The following COL25A1 variants were observed in gnomAD, a reference collection of about 807,000 sequenced individuals.
COL25A1 encodes collagen alpha-1(XXV) chain.
COL25A1 carries 103 observed loss-of-function variants against 128.4 expected under a neutral mutation model. That is an observed-to-expected ratio of 0.80 (90% CI 0.68 to 0.94). The LOEUF is 0.94. Ranked by LOEUF, COL25A1 falls within the 40% of genes least tolerant of loss-of-function variation. COL25A1 has a pLI of 0.00. For missense variants in COL25A1, 745 were observed against 840.0 expected (o/e 0.89, Z 1.40); for synonymous variants, 279 against 277.2 (o/e 1.01, Z -0.06).
At chr4:108,894,237 A>G (rs2125852908) in intron 16 of COL25A1, among the ~76,000 whole-genome samples, 1 of 152,340 alleles carries the variant, frequency 6.6e-6, no homozygotes, top group South Asian at 2.1e-4. Context: ...TTTTAATTTT[A>G]CAATATGATT....
At chr4:108,825,803 T>C (rs1463142516) in intron 33 of COL25A1, among the ~76,000 whole-genome samples, 3 of 152,212 alleles carry the variant, frequency 2.0e-5, no homozygotes, top group Admixed American at 1.3e-4. Flanking sequence ...GTACGAAGGA[T>C]GTGAAGGCTG....
intron 3 of COL25A1, among the ~76,000 whole-genome samples, chr4:109,073,297 C>T (rs749664348): frequency 3.9e-5 from 6 of 152,168 alleles, no homozygotes; most frequent in Non-Finnish European, 8.8e-5. Flanking sequence ...GGCTGCTAAT[C>T]TTCCTTTAAA....
At chr4:108,834,267 T>C in intron 31 of COL25A1, 1 of 1,309,978 alleles carries the variant, frequency 7.6e-7, no homozygotes, top group Non-Finnish European at 1.1e-6. Flanking sequence ...CATCATTTGA[T>C]GAGAGGACAT....
chr4:109,181,676 A>G (rs1418493665), intron 3 of COL25A1, among the ~76,000 whole-genome samples: 1 of 152,126 alleles, frequency 6.6e-6, no homozygotes, highest in Non-Finnish European at 1.5e-5. Flanking sequence ...TAATTAACAA[A>G]TGTATTACCT....
rs576637679 is a variant in COL25A1, at chr4:109,187,819, T to C, written c.367+112764A>G. ...CTCATACTATAGCAATGAAAGTACATCAACCTTAGAAAAATGGTTTAAGGG... is the reference window on the plus strand; with the variant it reads ...CTCATACTATAGCAATGAAAGTACACCAACCTTAGAAAAATGGTTTAAGGG... On this transcript the variant is annotated intron_variant, in intron 3 of 37. Coordinates refer to ENST00000399132, the MANE Select transcript of COL25A1 (RefSeq NM_198721.4). Among the ~76,000 whole-genome samples, 30 of 152,154 alleles carry C rather than the reference T, an allele frequency of 2.0e-4. No individual in the cohort carries two copies. In the South Asian group the frequency reaches 6.2e-3, roughly 32 times the overall value.
chr4:109,042,179 C>A (rs1484182133), intron 5 of COL25A1, among the ~76,000 whole-genome samples: 1 of 152,018 alleles, frequency 6.6e-6, no homozygotes, highest in Non-Finnish European at 1.5e-5. Flanking sequence ...ACTACATCTA[C>A]AGAAACTATA....
intron 24 of COL25A1, among the ~76,000 whole-genome samples, chr4:108,858,605 G>A (rs1369916608): frequency 6.6e-6 from 1 of 152,088 alleles, no homozygotes; most frequent in Non-Finnish European, 1.5e-5. Flanking sequence ...AAGCTGATAA[G>A]GCATTCATAC....
chr4:109,015,946 G>C (rs2126055694), intron 5 of COL25A1, among the ~76,000 whole-genome samples: 1 of 152,342 alleles, frequency 6.6e-6, no homozygotes, highest in Admixed American at 6.5e-5. Flanking sequence ...CAGAGGAGGT[G>C]CAGCCAGGGC....
At chr4:109,091,023 A>C (rs2126008286) in intron 3 of COL25A1, among the ~76,000 whole-genome samples, 1 of 152,334 alleles carries the variant, frequency 6.6e-6, no homozygotes, top group African/African-American at 2.4e-5. Context: ...CCCAACTGTG[A>C]AGGGCAAAAC....
At chr4:108,909,661 T>C (rs982692221) in intron 13 of COL25A1, among the ~76,000 whole-genome samples, 11 of 152,220 alleles carry the variant, frequency 7.2e-5, no homozygotes, top group African/African-American at 9.6e-5. Flanking sequence ...GTTAGAAGTT[T>C]GTGGGGAGAT....
intron 5 of COL25A1, among the ~76,000 whole-genome samples, chr4:109,044,088 A>T (rs1760183693): frequency 6.7e-6 from 1 of 149,564 alleles, no homozygotes; most frequent in Non-Finnish European, 1.5e-5. Flanking sequence ...CTCCTCTGAT[A>T]GTGTGTGTGT....
intron 19 of COL25A1, among the ~76,000 whole-genome samples, chr4:108,872,919 G>A (rs918069495): frequency 6.6e-6 from 1 of 150,984 alleles, no homozygotes; most frequent in African/African-American, 2.4e-5. Flanking sequence ...TTTGAGACAG[G>A]GTCTCACTCT....
chr4:108,945,713 G>C (rs1280265853), intron 8 of COL25A1, among the ~76,000 whole-genome samples: 1 of 152,164 alleles, frequency 6.6e-6, no homozygotes, highest in Non-Finnish European at 1.5e-5. Flanking sequence ...ACCCAGGCTG[G>C]AGTGTAGTGG....
intron 3 of COL25A1, among the ~76,000 whole-genome samples, chr4:109,253,887 A>G (rs1050888144): frequency 2.0e-5 from 3 of 152,106 alleles, no homozygotes; most frequent in Non-Finnish European, 2.9e-5. Flanking sequence ...GGAGATTGAG[A>G]CCATCCTGGC....
chr4:108,937,699 C>A, intron 11 of COL25A1, 109 bp downstream of exon 11: 1 of 926,524 alleles, frequency 1.1e-6, no homozygotes, highest in Non-Finnish European at 1.6e-6. Context: ...CTAATTTTCA[C>A]TTTTTTATTA....
intron 6 of COL25A1, among the ~76,000 whole-genome samples, chr4:109,001,678 G>A (rs1755431327): frequency 6.6e-6 from 1 of 152,178 alleles, no homozygotes; most frequent in Non-Finnish European, 1.5e-5. Context: ...TAGGATAACA[G>A]TATTGATCCT....
chr4:109,016,401 G>A (rs1017679344), intron 5 of COL25A1, among the ~76,000 whole-genome samples: 3 of 152,244 alleles, frequency 2.0e-5, no homozygotes, highest in Non-Finnish European at 2.9e-5. Context: ...TGCCATGGAA[G>A]ACATGTTGAT....
rs190305633 is a variant in COL25A1 at position 109,198,382 on chromosome 4, A to G, written c.367+102201T>C. On this transcript the variant is annotated intron_variant, in intron 3 of 37. Transcript: ENST00000399132. ...TAATCAAGAGAAAACCGATGTTCAG[A>G]ACACACTCCACTTTATCTCTCTGGC... is the stretch of plus-strand genomic sequence containing the variant. 5.3e-5 allele frequency among the ~76,000 whole-genome samples: 8 copies of G among 152,114 alleles called. No individual in the cohort carries two copies. In the East Asian group the frequency reaches 1.5e-3, roughly 29 times the overall value.
At chr4:109,059,354 C>T (rs1483260505) in intron 3 of COL25A1, among the ~76,000 whole-genome samples, 1 of 152,154 alleles carries the variant, frequency 6.6e-6, no homozygotes, top group African/African-American at 2.4e-5. Context: ...ATTACAAATG[C>T]TGAAACTAAC....
Sources: allele counts gnomAD v4.1 joint callset (sites outside exome capture counted in the v4.1 genomes callset), GRCh38; gene constraint gnomAD v4.1.1; transcripts MANE v1.5; gene names NCBI Gene and HGNC (gene_info 2026-07-23, HGNC 2026-07-21).